The following STOX2 variants were observed in gnomAD, a reference collection of about 807,000 sequenced individuals.
STOX2 encodes storkhead box 2.
STOX2 carries 28 observed loss-of-function variants against 60.9 expected under a neutral mutation model. The observed-to-expected ratio is 0.46, with a 90% CI of 0.34 to 0.63. The LOEUF (loss-of-function observed/expected upper bound fraction) is 0.63. Among genes scored for constraint, STOX2 ranks in the 30% least tolerant of loss-of-function variants. The pLI is 0.01. For synonymous variants in STOX2, 472 were observed against 463.9 expected, an observed-to-expected ratio of 1.02 and a Z score of -0.22; for missense variants, 1,024 against 1,187.7, an observed-to-expected ratio of 0.86 and a Z score of 2.03.
rs574173951 is a variant in STOX2 at position 183,967,043 on chromosome 4, A to C, written c.167-34282A>C. 9.2e-5 allele frequency among the ~76,000 whole-genome samples: 14 copies of C among 152,270 alleles called. No individual in the cohort carries two copies. The East Asian group carries it at 2.3e-3, about 25-fold the overall frequency. ...TTGGCAGTAAAGTGTAGTTGTTATG[A>C]GTAGGAGGTGGGAAGGGTAGGCATT... On this transcript the variant is annotated intron_variant, in intron 1 of 3. Coordinates refer to ENST00000308497, the MANE Select transcript of STOX2 (RefSeq NM_020225.3).
At chr4:183,839,049 G>GCA (rs369296969) in intron 1 of STOX2, among the ~76,000 whole-genome samples, 12,317 of 148,434 alleles carry the variant, frequency 0.083, 912 homozygotes, top group African/African-American at 0.2. Flanking sequence ...AGGTACACAT[G>GCA]CACACACACA....
intron 1 of STOX2, among the ~76,000 whole-genome samples, chr4:183,829,545 C>G (rs2111118966): frequency 6.6e-6 from 1 of 152,266 alleles, no homozygotes; most frequent in East Asian, 1.9e-4. Context: ...GGCACGTCTC[C>G]CTCATGTCTT....
intron 1 of STOX2, among the ~76,000 whole-genome samples, chr4:183,922,596 G>A (rs755010622): frequency 6.6e-6 from 1 of 151,808 alleles, no homozygotes; most frequent in African/African-American, 2.4e-5. Context: ...CACCCACCTC[G>A]GCCTCCCAAA....
At chr4:183,932,658 T>C (rs537194107) in intron 1 of STOX2, among the ~76,000 whole-genome samples, 6 of 152,162 alleles carry the variant, frequency 3.9e-5, no homozygotes, top group Non-Finnish European at 7.4e-5. Flanking sequence ...CACCTAGACT[T>C]GCTGTGACTC....
chr4:183,819,632 T>A (rs2111109376), intron 1 of STOX2, among the ~76,000 whole-genome samples: 1 of 150,986 alleles, frequency 6.6e-6, no homozygotes, highest in South Asian at 2.1e-4. Context: ...AGGCGAAATA[T>A]TTTTCTTTTA....
chr4:183,809,064 G>C (rs1399635538), intron 1 of STOX2, among the ~76,000 whole-genome samples: 1 of 152,132 alleles, frequency 6.6e-6, no homozygotes, highest in African/African-American at 2.4e-5. Context: ...ATTTGGATAC[G>C]AATTAGAGCT....
intron 1 of STOX2, among the ~76,000 whole-genome samples, chr4:183,985,989 G>A (rs561230206): frequency 3.5e-4 from 54 of 152,144 alleles, no homozygotes; most frequent in Non-Finnish European, 5.3e-4. Flanking sequence ...GATGAAAGGC[G>A]AGTGGCTTTG....
Position 183,923,946 on chromosome 4 carries a change from T to C in STOX2, c.166+16990T>C, listed in dbSNP as rs374003755. ...CCTAGACACCATCTGTGGACCAGCA[T>C]TGAGTTGGTTCCTTCTGCAGAATCA... On this transcript the variant is annotated intron_variant, in intron 1 of 3. Transcript: ENST00000308497. Among the ~76,000 whole-genome samples, 64 of 152,270 alleles carry C rather than the reference T, an allele frequency of 4.2e-4. 3 individuals are homozygous for C. The highest frequency in any genetic ancestry group is 1.5e-3 in the Admixed American group (23 of 15,290).
chr4:183,970,252 G>A (rs571030550), intron 1 of STOX2, among the ~76,000 whole-genome samples: 4 of 150,188 alleles, frequency 2.7e-5, no homozygotes, highest in African/African-American at 4.9e-5. Context: ...ACAATTTCTC[G>A]TGGCTTCAGT....
chr4:183,943,142 G>A (rs1454370420), intron 1 of STOX2, among the ~76,000 whole-genome samples: 2 of 152,150 alleles, frequency 1.3e-5, no homozygotes, highest in African/African-American at 4.8e-5. Flanking sequence ...AATATATTTA[G>A]TCATTTAATT....
chr4:183,980,114 A>C (rs1342851825), intron 1 of STOX2, among the ~76,000 whole-genome samples: 1 of 152,226 alleles, frequency 6.6e-6, no homozygotes, highest in Non-Finnish European at 1.5e-5. Context: ...GAGAGATAAA[A>C]GAAATTATGA....
At chr4:183,891,823 TTGTC>T (rs1445960306) in intron 1 of STOX2, among the ~76,000 whole-genome samples, 1 of 152,096 alleles carries the variant, frequency 6.6e-6, no homozygotes, top group Non-Finnish European at 1.5e-5. Context: ...AAAAAGGAAT[TTGTC>T]TGTGTGCTCA....
chr4:183,808,762 T>C (rs1738967865), intron 1 of STOX2, among the ~76,000 whole-genome samples: 1 of 152,200 alleles, frequency 6.6e-6, no homozygotes. Flanking sequence ...GAAGACAGTC[T>C]TTATGCTATA....
At chr4:183,948,403 C>T (rs964832743) in intron 1 of STOX2, among the ~76,000 whole-genome samples, 4 of 151,676 alleles carry the variant, frequency 2.6e-5, no homozygotes, top group African/African-American at 9.7e-5. Context: ...GAATGTTTTC[C>T]AGTAGCTCCA....
intron 1 of STOX2, chr4:183,798,582 C>T (rs1387968089): frequency 5.1e-6 from 5 of 974,432 alleles, no homozygotes; most frequent in Non-Finnish European, 6.1e-6. Flanking sequence ...CTGAGTGTTG[C>T]GCGCACGCAT....
At chr4:184,000,081 C>T (rs554380582) in intron 1 of STOX2, among the ~76,000 whole-genome samples, 6 of 152,306 alleles carry the variant, frequency 3.9e-5, no homozygotes, top group Admixed American at 2.6e-4. Context: ...TCGTGTAGGA[C>T]ATCTTTTCAA....
At position 184,009,807 on chromosome 4, in the gene STOX2, C is replaced by T. The variant is rs544424192; in HGVS notation, c.969C>T (p.Thr323=). Residue 323 remains threonine, a synonymous_variant, in exon 3 of 4, where the codon ACC becomes ACT. Transcript: ENST00000308497. The surrounding 1 kb of genome is among the most constrained non-coding windows in gnomAD (Gnocchi z 4.0). ...EIIRRINPDL[T]VENVMRHTAL... is the part of the protein sequence containing the mutation. ...TTAGGCGCATTAACCCAGACCTGAC[C>T]GTGGAAAATGTCATGCGGCACACCG... 1.6e-5 allele frequency: 25 copies of T among 1,612,398 alleles called. No homozygotes were observed. In the East Asian group the frequency reaches 5.1e-4, roughly 33 times the overall value.
chr4:183,831,031 C>T lies in STOX2; in HGVS notation c.364+32976C>T, dbSNP rs183420888. ...CCTGGGATTCTGGGTTAGTCCTCGG[C>T]GGAGATGGCCAAGCACTACATGGGA... On this transcript the variant is annotated intron_variant, in intron 1 of 2. Transcript: ENST00000513034. Among the ~76,000 whole-genome samples the T allele has an allele frequency of 7.3e-3, 1,100 of 151,142 alleles. 13 individuals carry two copies. The highest frequency in any genetic ancestry group is 0.026 in the African/African-American group (1,054 of 41,082).
chr4:183,975,309 A>G (rs1732406832), intron 1 of STOX2, among the ~76,000 whole-genome samples: 1 of 152,134 alleles, frequency 6.6e-6, no homozygotes, highest in African/African-American at 2.4e-5. Flanking sequence ...ACAAGTCTAA[A>G]GCAAGCAGAA....
Sources: gnomAD v4.1 joint callset for allele counts (sites outside exome capture counted in the v4.1 genomes callset) on GRCh38, gnomAD v4.1.1 for gene constraint, Gnocchi (gnomAD v3.1) non-coding constraint, MANE v1.5 for transcripts, NCBI Gene and HGNC (gene_info 2026-07-23, HGNC 2026-07-21) for gene names.